GRIK3: variants seen among roughly 807,000 people sequenced by gnomAD.
The protein encoded by GRIK3 is glutamate receptor ionotropic, kainate 3.
Under a neutral mutation model 102.5 loss-of-function variants are expected in GRIK3, and 29 were observed. That is an observed-to-expected ratio of 0.28 (90% CI 0.21 to 0.39). The LOEUF (loss-of-function observed/expected upper bound fraction) is 0.39. Among genes scored for constraint, GRIK3 ranks in the 10% least tolerant of loss-of-function variants. The pLI is 1.00. For missense variants in GRIK3, 908 were observed against 1,252.4 expected, an observed-to-expected ratio of 0.73 and a Z score of 4.15; for synonymous variants, 511 against 504.9, an observed-to-expected ratio of 1.01 and a Z score of -0.16.
intron 1 of GRIK3, among the ~76,000 whole-genome samples, chr1:36,934,017 T>A (rs1641626352): frequency 6.6e-6 from 1 of 152,222 alleles, no homozygotes; most frequent in Non-Finnish European, 1.5e-5. Context: ...AGGGATACTG[T>A]GTCTTAGAGA....
chr1:36,804,900 A>G, intron 15 of GRIK3, 87 bp downstream of exon 15: 4 of 1,499,816 alleles, frequency 2.7e-6, no homozygotes, highest in Non-Finnish European at 2.7e-6. Context: ...GAGATGAGAC[A>G]CCACTGTGTG....
At chr1:37,019,023 A>G (rs149664686) in intron 1 of GRIK3, among the ~76,000 whole-genome samples, 520 of 152,260 alleles carry the variant, frequency 3.4e-3, no homozygotes, top group African/African-American at 0.011. Context: ...TGTCCAGGAA[A>G]ATCCACGGAC....
chr1:36,852,484 G>A (rs930774534), intron 8 of GRIK3, among the ~76,000 whole-genome samples: 9 of 152,220 alleles, frequency 5.9e-5, no homozygotes, highest in African/African-American at 2.2e-4. Flanking sequence ...GCCAGTTGGT[G>A]CATTTCTTGG....
At chr1:36,970,328 C>T (rs192341108) in intron 1 of GRIK3, among the ~76,000 whole-genome samples, 13 of 152,284 alleles carry the variant, frequency 8.5e-5, no homozygotes, top group Admixed American at 6.5e-4. Flanking sequence ...CCATATCAGG[C>T]CTCATTGCCC....
Position 36,880,900 on chromosome 1 carries a change from G to A in GRIK3, c.293-9C>T. 6.3e-7 allele frequency: 1 copy of A among 1,597,232 alleles called. No homozygotes were observed. Among genetic ancestry groups the A allele is most frequent in the Non-Finnish European group, 8.5e-7 (1 of 1,171,606 alleles). ...TGCCAGCTGGTCACAGGCTGCAACA[G>A]AGGGTAGGGCAGCACAGGGGTCAGC... On this transcript the variant is annotated splice_polypyrimidine_tract_variant and intron_variant, in intron 2 of 15. Transcript: ENST00000373091. The surrounding 1 kb of genome is among the most constrained non-coding windows in gnomAD (Gnocchi z 5.4).
intron 1 of GRIK3, among the ~76,000 whole-genome samples, chr1:36,952,117 T>C (rs938651664): frequency 6.6e-6 from 1 of 152,180 alleles, no homozygotes; most frequent in African/African-American, 2.4e-5. Context: ...TGGGGATGAC[T>C]GGAACACAGG....
At chr1:36,859,282 C>G in intron 6 of GRIK3, 31 bp from the exon 7 acceptor site, 2 of 1,581,558 alleles carry the variant, frequency 1.3e-6, no homozygotes, top group Non-Finnish European at 1.7e-6. Context: ...GAGAGCGGCT[C>G]CCAAGGCCCT....
At position 36,805,007 on chromosome 1, in the gene GRIK3, T is replaced by G. The variant is rs1013034188; in HGVS notation, c.2545A>C (p.Lys849Gln). Residue 849 changes from lysine to glutamine, a missense_variant, in exon 15 of 16, where the codon AAA becomes CAA. Physicochemically the swap from Lys to Gln is moderately conservative, Grantham distance 53. Transcript: ENST00000373091. ...CTTACCTGCTCTCTCTCTGCTGTTT[T>G]GCGGAGCTTGTACACAAACTCGCCC... is the stretch of plus-strand genomic sequence containing the variant. ...AVGEFVYKLR[K>Q]TAEREQRSFC... 2.5e-6 allele frequency: 4 copies of G among 1,614,230 alleles called. No homozygotes were observed. Among genetic ancestry groups the G allele is most frequent in the Non-Finnish European group, 3.4e-6 (4 of 1,180,040 alleles).
At chr1:36,987,010 A>G (rs557404108) in intron 1 of GRIK3, among the ~76,000 whole-genome samples, 8 of 152,290 alleles carry the variant, frequency 5.3e-5, no homozygotes, top group Admixed American at 5.2e-4. Flanking sequence ...AAATCCTAGC[A>G]CATCCATTTA....
rs146425636 is a variant in GRIK3 at position 36,819,613 on chromosome 1, C to T, written c.1873+123G>A. 107 of 650,420 alleles carry T rather than the reference C, an allele frequency of 1.6e-4. No individual in the cohort carries two copies. Among genetic ancestry groups the T allele is most frequent in the South Asian group, 2.1e-4 (12 of 55,842 alleles). 40.3% of individuals were successfully genotyped at this position (650,420 alleles called of 1,614,324 possible). A position where few individuals can be genotyped will look rare whatever the true frequency, so the allele number is the denominator to read the frequency against. ...TATCTCGATGTCTCCAAACTTCTGCCGGCTCATCAGGGTCTGAGGCTACCC... is the reference window on the plus strand; with the variant it reads ...TATCTCGATGTCTCCAAACTTCTGCTGGCTCATCAGGGTCTGAGGCTACCC... On this transcript the variant is annotated intron_variant, in intron 12 of 15. Coordinates refer to ENST00000373091, the MANE Select transcript of GRIK3 (RefSeq NM_000831.4). This position sits in a 1 kb window ranked among gnomAD's most constrained non-coding sequence, Gnocchi z 4.1.
chr1:36,973,408 TC>T (rs1357798321), intron 1 of GRIK3, among the ~76,000 whole-genome samples: 1 of 149,716 alleles, frequency 6.7e-6, no homozygotes, highest in African/African-American at 2.5e-5. Flanking sequence ...AGACATCACT[TC>T]TTTTTCCTTT....
At chr1:36,879,993 G>A (rs140219323) in intron 3 of GRIK3, among the ~76,000 whole-genome samples, 99 of 152,306 alleles carry the variant, frequency 6.5e-4, no homozygotes, top group Admixed American at 2.8e-3. Flanking sequence ...AGTGTGGGTA[G>A]AGAAGAGTGT....
At chr1:36,892,594 G>T (rs1641130179) in intron 1 of GRIK3, among the ~76,000 whole-genome samples, 1 of 150,810 alleles carries the variant, frequency 6.6e-6, no homozygotes, top group South Asian at 2.1e-4. Flanking sequence ...GAATGGTAAA[G>T]TTCACGTGTA....
chr1:36,929,908 G>T (rs1422709235), intron 1 of GRIK3, among the ~76,000 whole-genome samples: 1 of 152,236 alleles, frequency 6.6e-6, no homozygotes, highest in South Asian at 2.1e-4. Flanking sequence ...AGCTTGGCTG[G>T]AGCTGGAGCA....
At chr1:36,885,293 T>G (rs1329223818) in intron 2 of GRIK3, among the ~76,000 whole-genome samples, 1 of 152,178 alleles carries the variant, frequency 6.6e-6, no homozygotes, top group African/African-American at 2.4e-5. Context: ...TTGATGGTAC[T>G]GACAGTATCA....
intron 1 of GRIK3, among the ~76,000 whole-genome samples, chr1:36,894,868 A>T (rs1641155959): frequency 6.6e-6 from 1 of 152,096 alleles, no homozygotes; most frequent in Admixed American, 6.5e-5. Flanking sequence ...GGGGAAAAGG[A>T]ATCATTTCAA....
intron 1 of GRIK3, among the ~76,000 whole-genome samples, chr1:36,994,698 C>G (rs914190964): frequency 1.3e-5 from 2 of 152,208 alleles, no homozygotes; most frequent in Admixed American, 1.3e-4. Flanking sequence ...TATTGTAGAG[C>G]CTTTATTTTT....
intron 1 of GRIK3, among the ~76,000 whole-genome samples, chr1:36,983,145 C>T (rs528203239): frequency 6.3e-4 from 96 of 152,284 alleles, no homozygotes; most frequent in Non-Finnish European, 1.2e-3. Flanking sequence ...GAGCAGCATG[C>T]GGAGTCTTCC....
intron 10 of GRIK3, among the ~76,000 whole-genome samples, chr1:36,833,369 C>A (rs995918662): frequency 6.6e-6 from 1 of 152,196 alleles, no homozygotes; most frequent in Non-Finnish European, 1.5e-5. Flanking sequence ...ACCCTAGCAC[C>A]GATAGCCCTC....
Sources: gnomAD v4.1 joint callset for allele counts (sites outside exome capture counted in the v4.1 genomes callset) on GRCh38, gnomAD v4.1.1 for gene constraint, Gnocchi (gnomAD v3.1) non-coding constraint, MANE v1.5 for transcripts, NCBI Gene and HGNC (gene_info 2026-07-23, HGNC 2026-07-21) for gene names.